Variants in MED12L observed in about 807,000 individuals in gnomAD.
MED12L encodes the protein mediator of RNA polymerase II transcription subunit 12-like protein.
In MED12L, 60 loss-of-function variants were observed where a neutral mutation model predicts 281.3. The observed-to-expected ratio is 0.21, with a 90% CI of 0.17 to 0.26. The LOEUF (loss-of-function observed/expected upper bound fraction) is 0.26. Among genes scored for constraint, MED12L ranks in the 10% least tolerant of loss-of-function variants. MED12L has a pLI of 1.00. For synonymous variants in MED12L, 974 were observed against 987.2 expected (o/e 0.99, Z 0.25); for missense variants, 2,146 against 2,680.9 (o/e 0.80, Z 4.41).
At chr3:151,287,079 TG>T (rs1009314692) in intron 16 of MED12L, among the ~76,000 whole-genome samples, 1 of 152,186 alleles carries the variant, frequency 6.6e-6, no homozygotes, top group African/African-American at 2.4e-5. Context: ...AGTCGGGTGC[TG>T]GTATGTAGGG....
intron 2 of MED12L, among the ~76,000 whole-genome samples, chr3:151,101,545 G>A (rs1421812391): frequency 6.6e-6 from 1 of 152,168 alleles, no homozygotes; most frequent in Non-Finnish European, 1.5e-5. Flanking sequence ...TGGATACATG[G>A]AGGATACACT....
chr3:151,286,177 C>T (rs1743482467), intron 16 of MED12L, among the ~76,000 whole-genome samples: 1 of 152,242 alleles, frequency 6.6e-6, no homozygotes, highest in East Asian at 1.9e-4. Flanking sequence ...ATGGCTCTAC[C>T]TCCTGATCAG....
chr3:151,407,643 G>A (rs1443525958), intron 39 of MED12L, among the ~76,000 whole-genome samples: 1 of 152,170 alleles, frequency 6.6e-6, no homozygotes, highest in African/African-American at 2.4e-5. Flanking sequence ...CACAGAGGAA[G>A]TTTGGGCTAT....
intron 5 of MED12L, among the ~76,000 whole-genome samples, chr3:151,137,171 A>AT (rs1491204278): frequency 9.1e-5 from 12 of 131,880 alleles, no homozygotes; most frequent in Admixed American, 8.3e-4. Context: ...AAAAAAAAAA[A>AT]GAAAAAAAAA....
chr3:151,364,604 C>CT (rs1001447522), intron 21 of MED12L, among the ~76,000 whole-genome samples: 7 of 152,044 alleles, frequency 4.6e-5, no homozygotes, highest in African/African-American at 1.7e-4. Flanking sequence ...GTAATTGAAT[C>CT]TTTTTTTATT....
At chr3:151,223,512 A>G (rs1021342099) in intron 16 of MED12L, among the ~76,000 whole-genome samples, 2 of 152,248 alleles carry the variant, frequency 1.3e-5, no homozygotes, top group Non-Finnish European at 2.9e-5. Context: ...ATGCAGCCAT[A>G]CAAAAGAAAT....
At chr3:151,155,891 G>A (rs1326757139) in intron 5 of MED12L, among the ~76,000 whole-genome samples, 1 of 152,228 alleles carries the variant, frequency 6.6e-6, no homozygotes, top group African/African-American at 2.4e-5. Flanking sequence ...CCTAGGTTAA[G>A]AGTCACAGAA....
At chr3:151,193,071 A>G (rs1559861056) in intron 15 of MED12L, among the ~76,000 whole-genome samples, 1 of 152,166 alleles carries the variant, frequency 6.6e-6, no homozygotes, top group Non-Finnish European at 1.5e-5. Context: ...ATGAATCACA[A>G]TATATAACTT....
At chr3:151,214,656 G>A (rs1727849969) in intron 16 of MED12L, among the ~76,000 whole-genome samples, 1 of 148,470 alleles carries the variant, frequency 6.7e-6, no homozygotes, top group African/African-American at 2.5e-5. Flanking sequence ...GAAAAGGGAA[G>A]AATGGAGCAG....
intron 16 of MED12L, among the ~76,000 whole-genome samples, chr3:151,299,360 C>CTTTTCTTTTCTTTTCTT (rs2149714289): frequency 9.1e-6 from 1 of 109,404 alleles, no homozygotes; most frequent in East Asian, 2.5e-4. Context: ...TTCCTTCTTT[C>CTTTTCTTTTCTTTTCTT]TTTTCTTTTC....
intron 16 of MED12L, among the ~76,000 whole-genome samples, chr3:151,343,954 A>G (rs1286296338): frequency 1.3e-5 from 2 of 152,016 alleles, no homozygotes; most frequent in Non-Finnish European, 2.9e-5. Flanking sequence ...TGACATTAAT[A>G]TTTTGTTTGA....
chr3:151,108,524 AC>A (rs750608227), intron 2 of MED12L, among the ~76,000 whole-genome samples: 6 of 152,150 alleles, frequency 3.9e-5, no homozygotes, highest in Non-Finnish European at 8.8e-5. Context: ...GGAGAGGTGG[AC>A]AAGGCTAGGA....
At chr3:151,250,710 A>G (rs1323216564) in intron 16 of MED12L, among the ~76,000 whole-genome samples, 4 of 152,200 alleles carry the variant, frequency 2.6e-5, no homozygotes, top group African/African-American at 9.6e-5. Context: ...GCTATTGTGA[A>G]CAATGCTGCT....
chr3:151,151,785 G>A (rs139892899), intron 5 of MED12L, among the ~76,000 whole-genome samples: 21 of 152,192 alleles, frequency 1.4e-4, no homozygotes, highest in Admixed American at 9.8e-4. Flanking sequence ...AGTTTGAAAC[G>A]TTGAGGGAAT....
At chr3:151,287,425 G>T (rs1177668049) in intron 16 of MED12L, among the ~76,000 whole-genome samples, 1 of 152,136 alleles carries the variant, frequency 6.6e-6, no homozygotes, top group Non-Finnish European at 1.5e-5. Context: ...GCAGGATTTG[G>T]TAAAAGGTTG....
intron 16 of MED12L, chr3:151,300,225 A>G: frequency 1.3e-6 from 1 of 762,756 alleles, no homozygotes; most frequent in East Asian, 2.5e-5. Flanking sequence ...AAATGAGGAA[A>G]AAATCATCTG....
chr3:151,372,448 A>G (rs957826753), intron 26 of MED12L, 119 bp from the exon 27 acceptor site: 20 of 696,164 alleles, frequency 2.9e-5, no homozygotes, highest in Middle Eastern at 6.0e-4. Flanking sequence ...ACAACTGGCT[A>G]TTCAATAATA....
chr3:151,337,393 T>C (rs547878830), intron 16 of MED12L: 2 of 186,566 alleles, frequency 1.1e-5, no homozygotes, highest in African/African-American at 4.8e-5. Flanking sequence ...AGGATATATA[T>C]ACATTTTAAC....
intron 39 of MED12L, among the ~76,000 whole-genome samples, chr3:151,408,527 A>T (rs997232141): frequency 1.3e-5 from 2 of 152,330 alleles, no homozygotes; most frequent in Admixed American, 1.3e-4. Flanking sequence ...TATGATTATT[A>T]CTGCAAGCTT....
Sources: gnomAD v4.1 joint callset for allele counts (sites outside exome capture counted in the v4.1 genomes callset) on GRCh38, gnomAD v4.1.1 for gene constraint, MANE v1.5 for transcripts, NCBI Gene and HGNC (gene_info 2026-07-23, HGNC 2026-07-21) for gene names.